Variants in MPP4 observed in about 807,000 individuals in gnomAD.
MPP4 encodes MAGUK p55 subfamily member 4.
Under a neutral mutation model 98.3 loss-of-function variants are expected in MPP4, and 91 were observed. The observed-to-expected ratio is 0.93, with a 90% confidence interval of 0.78 to 1.10. The LOEUF (loss-of-function observed/expected upper bound fraction) is 1.10. Among genes scored for constraint, MPP4 ranks in the 50% least tolerant of loss-of-function variants. The pLI is 0.00. For synonymous variants in MPP4, 261 were observed against 271.8 expected (o/e 0.96, Z 0.39); for missense variants, 744 against 792.9 (o/e 0.94, Z 0.74).
At chr2:201,677,966 G>C (rs528003139) in intron 10 of MPP4, among the ~76,000 whole-genome samples, 1 of 152,142 alleles carries the variant, frequency 6.6e-6, no homozygotes, top group Non-Finnish European at 1.5e-5. Context: ...CCTCCAATGT[G>C]CCTCCTGGTT....
chr2:201,663,059 A>C (rs1196383780), intron 14 of MPP4, among the ~76,000 whole-genome samples: 1 of 152,256 alleles, frequency 6.6e-6, no homozygotes, highest in Non-Finnish European at 1.5e-5. Flanking sequence ...TACTAGCAAT[A>C]TCGAATAAAC....
chr2:201,664,213 T>G (rs1342950902), intron 13 of MPP4, 112 bp from the exon 14 acceptor site: 10 of 1,497,574 alleles, frequency 6.7e-6, no homozygotes, highest in Non-Finnish European at 9.0e-6. Context: ...TACACCACCT[T>G]TGTAAAGTTT....
intron 10 of MPP4, among the ~76,000 whole-genome samples, chr2:201,679,870 G>A (rs1287736254): frequency 6.6e-6 from 1 of 152,092 alleles, no homozygotes; most frequent in Non-Finnish European, 1.5e-5. Flanking sequence ...ACTCTAATGA[G>A]GATTTCGGCC....
At chr2:201,661,131 G>A (rs576201256) in intron 14 of MPP4, among the ~76,000 whole-genome samples, 1 of 151,728 alleles carries the variant, frequency 6.6e-6, no homozygotes, top group Non-Finnish European at 1.5e-5. Context: ...ATGTTGGCCA[G>A]GCTGGTCTCG....
intron 13 of MPP4, chr2:201,665,091 A>C (rs1158820013): frequency 1.7e-5 from 2 of 117,184 alleles, no homozygotes; most frequent in Non-Finnish European, 3.4e-5. Context: ...TTTGAGACGG[A>C]GTCTCGCTCT....
chr2:201,661,043 C>T (rs1199269157), intron 14 of MPP4, among the ~76,000 whole-genome samples: 1 of 152,152 alleles, frequency 6.6e-6, no homozygotes, highest in Non-Finnish European at 1.5e-5. Context: ...GCCTCAACCT[C>T]CTGAGTAGCT....
intron 1 of MPP4, 41 bp from the exon 2 acceptor site, chr2:201,694,095 C>A (rs1689110415): frequency 6.4e-7 from 1 of 1,560,856 alleles, no homozygotes; most frequent in African/African-American, 1.3e-5. Flanking sequence ...GCAAGCCAGG[C>A]CCTGTGCTAC....
At chr2:201,679,806 CA>C (rs1407105361) in intron 10 of MPP4, among the ~76,000 whole-genome samples, 1 of 152,124 alleles carries the variant, frequency 6.6e-6, no homozygotes, top group Non-Finnish European at 1.5e-5. Context: ...TGCTTTTTCC[CA>C]AAATGTCTCA....
chr2:201,653,146 G>C (rs964703015), intron 18 of MPP4, among the ~76,000 whole-genome samples: 4 of 152,178 alleles, frequency 2.6e-5, no homozygotes, highest in African/African-American at 9.7e-5. Context: ...TACCTGCCCA[G>C]ATCTGGTCCT....
chr2:201,672,940 G>A lies in MPP4; in HGVS notation c.994+2267C>T, dbSNP rs562304118. 7.9e-5 allele frequency among the ~76,000 whole-genome samples: 12 copies of A among 152,184 alleles called. No homozygotes were observed. The South Asian group carries it at 8.3e-4, about 11-fold the overall frequency. ...CAAAAAAAATTTCAGGCCAATATCC[G>A]TGATGAACATCGATGGGAAAATCCT... is the stretch of plus-strand genomic sequence containing the variant. On this transcript the variant is annotated intron_variant, in intron 11 of 21. Transcript: ENST00000409474.
rs775379919 is a variant in MPP4, at chr2:201,657,954, G to GT, written c.1129+522dup. The stretch of plus-strand genomic sequence containing the variant: ...AAGCAATACAGAAAGGTGGCCCCTT[G>GT]TTTTTTTTTTTTTTGTTTTTTTTTT... On this transcript the variant is annotated intron_variant, in intron 16 of 21. Transcript: ENST00000409474. Among the ~76,000 whole-genome samples the GT allele has an allele frequency of 5.6e-3, 731 of 129,828 alleles. 4 individuals are homozygous for GT. The highest frequency in any genetic ancestry group is 8.9e-3 in the East Asian group (40 of 4,514). 85.2% of individuals were successfully genotyped at this position (129,828 alleles called of 152,430 possible).
chr2:201,649,262 G>T (rs1486041655), intron 20 of MPP4, among the ~76,000 whole-genome samples: 1 of 152,132 alleles, frequency 6.6e-6, no homozygotes, highest in African/African-American at 2.4e-5. Flanking sequence ...CTTGTACAAA[G>T]CAACATCTTA....
At chr2:201,666,487 G>A (rs1051471484) in intron 12 of MPP4, 115 bp from the exon 13 acceptor site, 30 of 696,462 alleles carry the variant, frequency 4.3e-5, no homozygotes, top group Non-Finnish European at 5.3e-5. Context: ...CTGGGAGGCC[G>A]AGGCGGGCGG....
chr2:201,685,892 T>G, intron 6 of MPP4, 27 bp downstream of exon 6: 1 of 1,604,368 alleles, frequency 6.2e-7, no homozygotes, highest in Non-Finnish European at 8.5e-7. Flanking sequence ...TTACCCTAAA[T>G]GGAAAGATAA....
chr2:201,683,288 G>A (rs1654108131), intron 7 of MPP4, among the ~76,000 whole-genome samples: 1 of 152,190 alleles, frequency 6.6e-6, no homozygotes, highest in Admixed American at 6.5e-5. Context: ...GAGAAAATGT[G>A]GAGAAACTTG....
At chr2:201,675,294 C>G in intron 10 of MPP4, 23 bp from the exon 11 acceptor site, 1 of 1,595,952 alleles carries the variant, frequency 6.3e-7, no homozygotes, top group Non-Finnish European at 8.5e-7. Context: ...AAAAACCATG[C>G]GACAAAAAAC....
chr2:201,681,639 T>C, intron 8 of MPP4, 72 bp from the exon 9 acceptor site: 2 of 1,135,070 alleles, frequency 1.8e-6, no homozygotes, highest in Non-Finnish European at 2.6e-6. Flanking sequence ...GTGGACAGAG[T>C]TACAGTGCAA....
At chr2:201,682,434 G>A (rs2105939816) in intron 8 of MPP4, among the ~76,000 whole-genome samples, 1 of 152,292 alleles carries the variant, frequency 6.6e-6, no homozygotes, top group South Asian at 2.1e-4. Flanking sequence ...GAACATTTCA[G>A]CCATAGAAAA....
At chr2:201,684,218 CAA>C (rs10578908) in intron 7 of MPP4, among the ~76,000 whole-genome samples, 124,592 of 137,160 alleles carry the variant, frequency 0.91, 56,827 homozygotes, top group South Asian at 0.98. Context: ...GACCCTGTCT[CAA>C]AAAAAAAAAA....
Sources: allele counts gnomAD v4.1 joint callset (sites outside exome capture counted in the v4.1 genomes callset), GRCh38; gene constraint gnomAD v4.1.1; transcripts MANE v1.5; gene names NCBI Gene and HGNC (gene_info 2026-07-23, HGNC 2026-07-21).